The following FKBP5 variants were observed in gnomAD, a reference collection of about 807,000 sequenced individuals.
FKBP5 encodes the protein FKBP prolyl isomerase 5.
In FKBP5, 23 loss-of-function variants were observed where a neutral mutation model predicts 50.5. That is an observed-to-expected ratio of 0.46 (90% confidence interval 0.33 to 0.65). The LOEUF is 0.65. Among genes scored for constraint, FKBP5 ranks in the 30% least tolerant of loss-of-function variants. The pLI, the probability that FKBP5 is intolerant of heterozygous loss-of-function variation, is 0.02. For synonymous variants in FKBP5, 176 were observed against 190.6 expected (o/e 0.92, Z 0.63); for missense variants, 411 against 553.1 (o/e 0.74, Z 2.58).
chr6:35,698,603 C>T (rs936306097), intron 2 of FKBP5, among the ~76,000 whole-genome samples: 2 of 151,968 alleles, frequency 1.3e-5, no homozygotes, highest in East Asian at 1.9e-4. Context: ...GCCAAGATTG[C>T]GCCACTGCAT....
intron 1 of FKBP5, among the ~76,000 whole-genome samples, chr6:35,681,268 A>T (rs752271478): frequency 7.9e-5 from 12 of 152,250 alleles, no homozygotes; most frequent in Non-Finnish European, 1.6e-4. Flanking sequence ...ATAAAGGTAT[A>T]CGGAAGCTCT....
chr6:35,583,138 A>G (rs59320339), intron 8 of FKBP5: 24,899 of 985,406 alleles, frequency 0.025, 413 homozygotes, highest in African/African-American at 0.073. Context: ...GGAGCAAAAA[A>G]TGTGTGGGTG....
intron 2 of FKBP5, among the ~76,000 whole-genome samples, chr6:35,640,473 G>A (rs951343090): frequency 6.6e-6 from 1 of 152,154 alleles, no homozygotes; most frequent in South Asian, 2.1e-4. Flanking sequence ...ATGAGTCAGC[G>A]AGTGAGCAGT....
chr6:35,723,669 G>A (rs1016722226), intron 1 of FKBP5, among the ~76,000 whole-genome samples: 1 of 152,236 alleles, frequency 6.6e-6, no homozygotes, highest in Non-Finnish European at 1.5e-5. Context: ...AGGTCAGAAA[G>A]ACAAAATGTG....
chr6:35,651,559 T>C (rs1764799055), intron 1 of FKBP5, among the ~76,000 whole-genome samples: 1 of 152,158 alleles, frequency 6.6e-6, no homozygotes, highest in South Asian at 2.1e-4. Context: ...ACACAATAAT[T>C]AAGATAAAAA....
At chr6:35,675,174 G>A (rs1475506609) in intron 1 of FKBP5, among the ~76,000 whole-genome samples, 4 of 152,240 alleles carry the variant, frequency 2.6e-5, no homozygotes, top group Non-Finnish European at 5.9e-5. Context: ...TGAGGAAACT[G>A]AGACTTACAG....
chr6:35,612,692 C>T (rs749439456), intron 5 of FKBP5, among the ~76,000 whole-genome samples: 5 of 152,218 alleles, frequency 3.3e-5, no homozygotes, highest in Admixed American at 6.5e-5. Flanking sequence ...CTTCACATGG[C>T]GGCAGAAGAG....
At chr6:35,582,897 A>G in intron 8 of FKBP5, 1 of 930,222 alleles carries the variant, frequency 1.1e-6, no homozygotes, top group African/African-American at 1.8e-5. Flanking sequence ...TTGAGTAAAT[A>G]TTGAAATCAA....
chr6:35,700,125 G>A (rs1017970558), intron 2 of FKBP5, among the ~76,000 whole-genome samples: 31 of 152,034 alleles, frequency 2.0e-4, no homozygotes, highest in African/African-American at 6.5e-4. Context: ...GAATTGCTAC[G>A]GACCTGTGGC....
chr6:35,586,031 T>C, intron 8 of FKBP5: 7 of 985,366 alleles, frequency 7.1e-6, no homozygotes, highest in Non-Finnish European at 7.2e-6. Flanking sequence ...CTCACTGCTT[T>C]ATACTGCTGA....
intron 2 of FKBP5, among the ~76,000 whole-genome samples, chr6:35,712,042 T>TTA (rs1554139668): frequency 6.2e-5 from 8 of 128,284 alleles, no homozygotes; most frequent in African/African-American, 2.4e-4. Context: ...CTGGGCTAAT[T>TTA]AAAAAAAAAA....
At chr6:35,654,751 A>G (rs1024868173) in intron 1 of FKBP5, among the ~76,000 whole-genome samples, 5 of 152,182 alleles carry the variant, frequency 3.3e-5, no homozygotes, top group African/African-American at 4.8e-5. Context: ...CAGCCTCCTG[A>G]GTAGCTGGGA....
chr6:35,585,037 A>C (rs1178810388), intron 8 of FKBP5: 1 of 985,334 alleles, frequency 1.0e-6, no homozygotes, highest in East Asian at 1.1e-4. Flanking sequence ...TTTCATTACC[A>C]ATAATGTTCT....
chr6:35,711,011 G>A (rs1241194236), intron 2 of FKBP5, among the ~76,000 whole-genome samples: 1 of 152,158 alleles, frequency 6.6e-6, no homozygotes, highest in African/African-American at 2.4e-5. Context: ...GGGCCAGGTA[G>A]CGATTGATTG....
At position 35,669,564 on chromosome 6, in the gene FKBP5, G is replaced by A. The variant is rs7762760; in HGVS notation, c.-20+19240C>T. ...ACTTTTAGCTTTCAGTTTCCTGTTC[G>A]TCAGTGGCTACAGCTCTAGAGGCAA... On this transcript the variant is annotated intron_variant, in intron 1 of 10. Coordinates refer to ENST00000357266, the MANE Select transcript of FKBP5 (RefSeq NM_004117.4). 5.2e-3 allele frequency among the ~76,000 whole-genome samples: 784 copies of A among 152,002 alleles called. 8 individuals carry two copies. Among genetic ancestry groups the A allele is most frequent in the African/African-American group, 0.013 (549 of 41,448 alleles).
intron 1 of FKBP5, among the ~76,000 whole-genome samples, chr6:35,688,575 C>A (rs1411824491): frequency 1.3e-5 from 2 of 150,996 alleles, no homozygotes; most frequent in African/African-American, 4.8e-5. Context: ...GGCCCCGCGG[C>A]CCCTGGGGCG....
chr6:35,645,033 G>T (rs1187161022), intron 1 of FKBP5, among the ~76,000 whole-genome samples: 1 of 152,128 alleles, frequency 6.6e-6, no homozygotes, highest in East Asian at 1.9e-4. Flanking sequence ...AAAACAATCT[G>T]ACTGATAACA....
intron 3 of FKBP5, among the ~76,000 whole-genome samples, chr6:35,634,706 G>T (rs1405583261): frequency 1.1e-5 from 1 of 87,072 alleles, no homozygotes; most frequent in Non-Finnish European, 2.8e-5. Context: ...TGGTGAATAG[G>T]GGGAATACTT....
At chr6:35,581,340 C>T (rs1251777488) in intron 8 of FKBP5, 1 of 344,346 alleles carries the variant, frequency 2.9e-6, no homozygotes, top group Non-Finnish European at 4.1e-6. Context: ...AGCACAGTGG[C>T]TCATACCTGT....
Sources: gnomAD v4.1 joint callset for allele counts (sites outside exome capture counted in the v4.1 genomes callset) on GRCh38, gnomAD v4.1.1 for gene constraint, MANE v1.5 for transcripts, NCBI Gene and HGNC (gene_info 2026-07-23, HGNC 2026-07-21) for gene names.